IL1RAPL1: variants seen among roughly 807,000 people sequenced by gnomAD.
IL1RAPL1 encodes interleukin-1 receptor accessory protein-like 1.
IL1RAPL1 carries 3 observed loss-of-function variants against 48.4 expected under a neutral mutation model. The ratio of observed to expected loss-of-function variants is 0.06; its 90% CI spans 0.03 to 0.16. IL1RAPL1 has a LOEUF of 0.16. Among genes scored for constraint, IL1RAPL1 ranks in the 10% least tolerant of loss-of-function variants. IL1RAPL1 has a pLI of 1.00. For missense variants in IL1RAPL1, 349 were observed against 530.6 expected, an observed-to-expected ratio of 0.66 and a Z score of 3.36; for synonymous variants, 185 against 187.7, an observed-to-expected ratio of 0.99 and a Z score of 0.12.
chrX:29,762,514 C>A (rs1317861404), intron 6 of IL1RAPL1, among the ~76,000 whole-genome samples: 1 of 111,094 alleles, frequency 9.0e-6, no homozygotes, highest in East Asian at 2.8e-4. Flanking sequence ...ATCAAAGATT[C>A]TTTTAAAAAT....
At chrX:28,645,145 C>T (rs1453444513) in intron 1 of IL1RAPL1, among the ~76,000 whole-genome samples, 1 of 108,183 alleles carries the variant, frequency 9.2e-6, no homozygotes, top group Non-Finnish European at 1.9e-5. Context: ...GTTGGGAGTT[C>T]GAGACCAGCC....
intron 6 of IL1RAPL1, among the ~76,000 whole-genome samples, chrX:29,841,099 G>A (rs191597014): frequency 1.8e-5 from 2 of 111,660 alleles, no homozygotes; most frequent in Admixed American, 1.9e-4. Context: ...CTCCAGTCAT[G>A]GTCTCTATAG....
chrX:29,342,112 T>TTGTGTGTGTGTGTG (rs753779178), intron 3 of IL1RAPL1, among the ~76,000 whole-genome samples: 2 of 87,670 alleles, frequency 2.3e-5, no homozygotes, highest in Non-Finnish European at 4.4e-5. Flanking sequence ...CGGCCTTGTT[T>TTGTGTGTGTGTGTG]TGTGTGTGTG....
At chrX:29,653,073 T>C (rs1371957248) in intron 5 of IL1RAPL1, among the ~76,000 whole-genome samples, 1 of 112,042 alleles carries the variant, frequency 8.9e-6, no homozygotes, top group Non-Finnish European at 1.9e-5. Flanking sequence ...AACTTGGCTC[T>C]AACTGTACAA....
At chrX:29,294,794 A>G (rs143534856) in intron 3 of IL1RAPL1, among the ~76,000 whole-genome samples, 2 of 111,539 alleles carry the variant, frequency 1.8e-5, no homozygotes, top group African/African-American at 6.5e-5. Flanking sequence ...GTTATTAACA[A>G]AGAAAAAGCT....
chrX:28,810,525 A>G (rs761501319), intron 2 of IL1RAPL1, among the ~76,000 whole-genome samples: 2 of 111,261 alleles, frequency 1.8e-5, no homozygotes, highest in South Asian at 7.4e-4. Flanking sequence ...AATATCACAG[A>G]AAAGCATAGA....
intron 2 of IL1RAPL1, among the ~76,000 whole-genome samples, chrX:28,854,800 A>G (rs755033078): frequency 7.0e-4 from 78 of 111,472 alleles, no homozygotes; most frequent in African/African-American, 2.5e-3. Context: ...CTATGGAGAG[A>G]TTAAATAAAA....
intron 5 of IL1RAPL1, among the ~76,000 whole-genome samples, chrX:29,602,274 C>T (rs772725947): frequency 7.2e-5 from 8 of 111,460 alleles, no homozygotes; most frequent in South Asian, 3.7e-4. Context: ...CAATCCATTG[C>T]GCGTGGCCTA....
intron 2 of IL1RAPL1, among the ~76,000 whole-genome samples, chrX:28,895,098 G>A (rs1320539835): frequency 9.0e-6 from 1 of 110,610 alleles, no homozygotes; most frequent in South Asian, 3.9e-4. Flanking sequence ...AAGAAAGCAC[G>A]TTTGAGATCT....
At chrX:29,528,636 C>T (rs750682808) in intron 5 of IL1RAPL1, among the ~76,000 whole-genome samples, 12 of 112,409 alleles carry the variant, frequency 1.1e-4, no homozygotes, top group Non-Finnish European at 1.9e-4. Context: ...CTCTCTCACA[C>T]TTACAATGTC....
intron 2 of IL1RAPL1, among the ~76,000 whole-genome samples, chrX:28,915,937 G>A (rs1172830812): frequency 9.4e-6 from 1 of 106,433 alleles, no homozygotes; most frequent in African/African-American, 3.5e-5. Context: ...ATCTATATAT[G>A]TATGTGTATA....
chrX:29,182,112 C>A (rs920333947), intron 2 of IL1RAPL1, among the ~76,000 whole-genome samples: 3 of 109,956 alleles, frequency 2.7e-5, no homozygotes, highest in Admixed American at 9.8e-5. Context: ...TTGCCCCCCC[C>A]CACCCCATGC....
chrX:28,773,061 ATC>A (rs112975089), intron 1 of IL1RAPL1, among the ~76,000 whole-genome samples: 75 of 104,567 alleles, frequency 7.2e-4, no homozygotes, highest in Middle Eastern at 4.8e-3. Context: ...TTCTTATAAT[ATC>A]TCTCTCTCTC....
At chrX:28,825,687 TATA>T (rs1304150752) in intron 2 of IL1RAPL1, among the ~76,000 whole-genome samples, 3 of 111,280 alleles carry the variant, frequency 2.7e-5, no homozygotes, top group Admixed American at 9.6e-5. Flanking sequence ...TAATATATAA[TATA>T]ATTAAGTAAA....
chrX:28,679,559 CT>C (rs1935034376), intron 1 of IL1RAPL1, among the ~76,000 whole-genome samples: 1 of 111,151 alleles, frequency 9.0e-6, no homozygotes, highest in Non-Finnish European at 1.9e-5. Flanking sequence ...GAAACTTCTC[CT>C]CTGTTTTCTT....
chrX:29,683,760 AAGAG>A (rs1057070310), intron 6 of IL1RAPL1, among the ~76,000 whole-genome samples: 2 of 111,422 alleles, frequency 1.8e-5, no homozygotes, highest in African/African-American at 6.5e-5. Context: ...TTCCACTGTT[AAGAG>A]AGTCTATGTC....
At chrX:29,605,149 G>C (rs981321512) in intron 5 of IL1RAPL1, among the ~76,000 whole-genome samples, 4 of 108,806 alleles carry the variant, frequency 3.7e-5, no homozygotes, top group Non-Finnish European at 5.7e-5. Context: ...GGGAGGGAAG[G>C]AGGGAGAGAG....
chrX:29,691,885 G>A (rs188291468), intron 6 of IL1RAPL1, among the ~76,000 whole-genome samples: 2 of 111,097 alleles, frequency 1.8e-5, no homozygotes, highest in Non-Finnish European at 3.8e-5. Flanking sequence ...ATCATAATAC[G>A]TTTTGTTTTC....
intron 6 of IL1RAPL1, among the ~76,000 whole-genome samples, chrX:29,712,587 T>C (rs1000241344): frequency 1.2e-4 from 14 of 112,275 alleles, no homozygotes; most frequent in African/African-American, 4.5e-4. Flanking sequence ...TTAATATTGT[T>C]AGCAGTTAGT....
Sources: gnomAD v4.1 joint callset for allele counts (sites outside exome capture counted in the v4.1 genomes callset) on GRCh38, gnomAD v4.1.1 for gene constraint, MANE v1.5 for transcripts, NCBI Gene and HGNC (gene_info 2026-07-23, HGNC 2026-07-21) for gene names.